Variants in NEK11 observed in about 807,000 individuals in gnomAD.
NEK11 encodes serine/threonine-protein kinase Nek11.
NEK11 carries 72 observed loss-of-function variants against 80.7 expected under a neutral mutation model. That is an observed-to-expected ratio of 0.89 (90% CI 0.74 to 1.08). NEK11 has a LOEUF of 1.08. NEK11 is among the 50% of genes least tolerant of loss of function. The pLI, the probability that NEK11 is intolerant of heterozygous loss-of-function variation, is 0.00. For missense variants in NEK11, 764 were observed against 763.6 expected, an observed-to-expected ratio of 1.00 and a Z score of -0.01; for synonymous variants, 251 against 260.7, an observed-to-expected ratio of 0.96 and a Z score of 0.36.
intron 14 of NEK11, among the ~76,000 whole-genome samples, chr3:131,223,730 G>A (rs1398246308): frequency 2.0e-5 from 3 of 152,080 alleles, no homozygotes; most frequent in Non-Finnish European, 4.4e-5. Context: ...CCTTGCAGAG[G>A]TTTCTTCTGA....
chr3:131,327,834 G>A (rs781637894), intron 17 of NEK11: 3 of 150,526 alleles, frequency 2.0e-5, no homozygotes, highest in Non-Finnish European at 2.9e-5. Flanking sequence ...TCAAAGTCCT[G>A]TTCTCTACTC....
chr3:131,124,367 C>T (rs548170343), intron 5 of NEK11, among the ~76,000 whole-genome samples: 2 of 152,208 alleles, frequency 1.3e-5, no homozygotes. Flanking sequence ...ATATTTTTGT[C>T]CAGCAGAGAT....
chr3:131,181,485 G>C, intron 14 of NEK11, among the ~76,000 whole-genome samples: 1 of 152,254 alleles, frequency 6.6e-6, no homozygotes, highest in Non-Finnish European at 1.5e-5. Flanking sequence ...AATGGCTCAC[G>C]CCTGTAATCC....
At chr3:131,262,414 T>A (rs1484200002) in intron 16 of NEK11, among the ~76,000 whole-genome samples, 1 of 152,154 alleles carries the variant, frequency 6.6e-6, no homozygotes, top group African/African-American at 2.4e-5. Flanking sequence ...TGAATATGCC[T>A]ATCATATTCT....
intron 14 of NEK11, among the ~76,000 whole-genome samples, chr3:131,210,597 T>C (rs2094578973): frequency 6.6e-6 from 1 of 152,212 alleles, no homozygotes; most frequent in African/African-American, 2.4e-5. Flanking sequence ...ATTATTATTG[T>C]GTGGGAGTCT....
At position 131,141,061 on chromosome 3, in the gene NEK11, G is replaced by T. The variant is rs911999115; in HGVS notation, c.647+7105G>T. On this transcript the variant is annotated intron_variant, in intron 7 of 17. Coordinates refer to ENST00000383366, the MANE Select transcript of NEK11 (RefSeq NM_024800.5). ...AAACAACCATGGTATTTATACCATG[G>T]AAATTTGTAAATTAGGGCTTCTCCT... 5.3e-5 allele frequency among the ~76,000 whole-genome samples: 8 copies of T among 152,108 alleles called. No individual in the cohort carries two copies. The East Asian group carries it at 1.5e-3, about 29-fold the overall frequency.
At chr3:131,054,790 A>AAATGAATG (rs55655902) in intron 3 of NEK11, among the ~76,000 whole-genome samples, 2 of 136,760 alleles carry the variant, frequency 1.5e-5, no homozygotes, top group South Asian at 2.3e-4. Context: ...ATAAATAAAT[A>AAATGAATG]AATGAATGAA....
At chr3:131,333,838 C>G (rs1358090664) in intron 17 of NEK11, among the ~76,000 whole-genome samples, 1 of 152,190 alleles carries the variant, frequency 6.6e-6, no homozygotes. Flanking sequence ...ATAAAACAGA[C>G]TTTAAACCAA....
chr3:131,183,164 T>G (rs925585367), intron 14 of NEK11, among the ~76,000 whole-genome samples: 2 of 152,190 alleles, frequency 1.3e-5, no homozygotes, highest in Admixed American at 6.5e-5. Context: ...AAGAGCAGAT[T>G]TTAGAAAAAA....
At chr3:131,278,543 T>G (rs368276959) in intron 17 of NEK11, among the ~76,000 whole-genome samples, 2 of 147,308 alleles carry the variant, frequency 1.4e-5, no homozygotes, top group Admixed American at 6.6e-5. Flanking sequence ...TCAAAAAAGT[T>G]TTTTGTTTTG....
intron 3 of NEK11, among the ~76,000 whole-genome samples, chr3:131,079,912 A>G (rs1352357086): frequency 2.0e-5 from 3 of 152,176 alleles, no homozygotes; most frequent in African/African-American, 7.2e-5. Flanking sequence ...AAATACATGT[A>G]AATACATACA....
chr3:131,037,235 G>GGGTCAGTTT, intron 3 of NEK11, among the ~76,000 whole-genome samples: 1 of 151,650 alleles, frequency 6.6e-6, no homozygotes, highest in Admixed American at 6.6e-5. Context: ...AGCATTTTTT[G>GGGTCAGTTT]TGAGTTACAG....
At chr3:131,259,397 T>A (rs148596168) in intron 16 of NEK11, among the ~76,000 whole-genome samples, 124 of 152,330 alleles carry the variant, frequency 8.1e-4, no homozygotes, top group African/African-American at 2.7e-3. Flanking sequence ...ATGTCATTAT[T>A]TCTAATACTG....
chr3:131,117,619 C>T (rs1042226242), intron 5 of NEK11, among the ~76,000 whole-genome samples: 3 of 152,098 alleles, frequency 2.0e-5, no homozygotes, highest in African/African-American at 7.2e-5. Flanking sequence ...ATGGAATGTT[C>T]TTCCATTTCT....
At chr3:131,254,782 G>T (rs1316251699) in intron 16 of NEK11, among the ~76,000 whole-genome samples, 1 of 152,132 alleles carries the variant, frequency 6.6e-6, no homozygotes, top group African/African-American at 2.4e-5. Flanking sequence ...CACTTTGGGA[G>T]GCCAAGGTGG....
intron 7 of NEK11, among the ~76,000 whole-genome samples, chr3:131,136,473 G>A (rs897647509): frequency 2.6e-5 from 4 of 152,098 alleles, no homozygotes; most frequent in Non-Finnish European, 4.4e-5. Flanking sequence ...AAACACTTAT[G>A]AATAATTGAC....
chr3:131,087,484 C>T (rs988344767), intron 4 of NEK11, among the ~76,000 whole-genome samples: 4 of 152,022 alleles, frequency 2.6e-5, no homozygotes, highest in Admixed American at 2.0e-4. Flanking sequence ...CCTTGTGATC[C>T]GCCCACGTCA....
intron 14 of NEK11, 79 bp downstream of exon 14, chr3:131,170,966 G>C (rs200808503): frequency 3.1e-6 from 3 of 968,208 alleles, no homozygotes; most frequent in Non-Finnish European, 5.1e-6. Context: ...CAGTGGGTCT[G>C]TCTGGCCTCT....
At chr3:131,104,076 G>A (rs1560418426) in intron 4 of NEK11, among the ~76,000 whole-genome samples, 1 of 152,174 alleles carries the variant, frequency 6.6e-6, no homozygotes, top group Middle Eastern at 3.2e-3. Flanking sequence ...TGGGGGCTCT[G>A]CCTAGGGAAG....
Sources: allele counts gnomAD v4.1 joint callset (sites outside exome capture counted in the v4.1 genomes callset), GRCh38; gene constraint gnomAD v4.1.1; transcripts MANE v1.5; gene names NCBI Gene and HGNC (gene_info 2026-07-23, HGNC 2026-07-21).